Variants in TMC5 observed in about 807,000 individuals in gnomAD.
TMC5 encodes the protein transmembrane channel-like protein 5.
In TMC5, 86 loss-of-function variants were observed where a neutral mutation model predicts 110.5. The ratio of observed to expected loss-of-function variants is 0.78; its 90% confidence interval spans 0.65 to 0.93. The LOEUF (loss-of-function observed/expected upper bound fraction) is 0.93, where lower values mean the gene tolerates loss of function less well. TMC5 is among the 40% of genes least tolerant of loss of function. The pLI is 0.00. For missense variants in TMC5, 1,144 were observed against 1,222.8 expected (o/e 0.94, Z 0.96); for synonymous variants, 455 against 439.5 (o/e 1.04, Z -0.44).
chr16:19,464,119 C>G, intron 8 of TMC5, 95 bp downstream of exon 8: 1 of 1,407,200 alleles, frequency 7.1e-7, no homozygotes, highest in South Asian at 1.3e-5. Flanking sequence ...TCTCATTTTG[C>G]CTGGGGGTCA....
chr16:19,441,157 T>C (rs570910764), intron 3 of TMC5, among the ~76,000 whole-genome samples: 1 of 152,330 alleles, frequency 6.6e-6, no homozygotes, highest in African/African-American at 2.4e-5. Context: ...AGGTTAAGAC[T>C]TGACGCTCAT....
intron 2 of TMC5, among the ~76,000 whole-genome samples, chr16:19,434,589 G>C (rs1037970366): frequency 1.3e-5 from 2 of 151,204 alleles, no homozygotes; most frequent in African/African-American, 4.9e-5. Context: ...CTCCCAAAGT[G>C]CTGGAATTAC....
At chr16:19,496,046 A>G (rs979910571) in intron 20 of TMC5, among the ~76,000 whole-genome samples, 4 of 151,900 alleles carry the variant, frequency 2.6e-5, no homozygotes, top group African/African-American at 9.7e-5. Context: ...AATCCCAGCT[A>G]CTTGGGAGGC....
intron 13 of TMC5, 24 bp from the exon 14 acceptor site, chr16:19,479,407 T>A: frequency 6.4e-7 from 1 of 1,573,854 alleles, no homozygotes; most frequent in African/African-American, 1.3e-5. Flanking sequence ...CCTTCCCACA[T>A]CCTGACTCTT....
intron 15 of TMC5, among the ~76,000 whole-genome samples, chr16:19,483,202 G>A (rs1397471516): frequency 6.6e-6 from 1 of 152,150 alleles, no homozygotes; most frequent in African/African-American, 2.4e-5. Context: ...CTGTTGCTCA[G>A]GCTGGAGTGC....
At chr16:19,433,353 T>C (rs1297901698) in intron 2 of TMC5, among the ~76,000 whole-genome samples, 1 of 152,090 alleles carries the variant, frequency 6.6e-6, no homozygotes, top group Non-Finnish European at 1.5e-5. Flanking sequence ...TTTGAATGCT[T>C]TCTCTTGGAA....
upstream of TMC5, chr16:19,417,723 C>A (rs551900631): frequency 3.7e-4 from 56 of 152,264 alleles, no homozygotes; most frequent in African/African-American, 1.3e-3. Flanking sequence ...AGGCCTTCAT[C>A]GTCGCGGACT....
upstream of TMC5, among the ~76,000 whole-genome samples, chr16:19,416,842 C>T (rs1019553314): frequency 6.6e-6 from 1 of 151,966 alleles, no homozygotes; most frequent in African/African-American, 2.4e-5. Flanking sequence ...GCCTGTAATC[C>T]CAGCATTTTG....
chr16:19,477,568 C>G, intron 13 of TMC5, 50 bp downstream of exon 13: 1 of 1,294,060 alleles, frequency 7.7e-7, no homozygotes, highest in Non-Finnish European at 1.1e-6. Flanking sequence ...AGCATTTGAC[C>G]AACAGGGAGG....
At chr16:19,442,891 A>C (rs73538028) in intron 3 of TMC5, among the ~76,000 whole-genome samples, 1,535 of 152,258 alleles carry the variant, frequency 0.01, 24 homozygotes, top group African/African-American at 0.034. Flanking sequence ...CTTATCACCC[A>C]CTGCCTGATT....
rs562850817 is a variant in TMC5, at chr16:19,426,510, G to C, written c.-307-3903G>C. Among the ~76,000 whole-genome samples, 117 of 152,276 alleles carry C rather than the reference G, an allele frequency of 7.7e-4. 2 individuals are homozygous for C. Among genetic ancestry groups the C allele is most frequent in the African/African-American group, 2.0e-3 (85 of 41,564 alleles). On this transcript the variant is annotated intron_variant, in intron 1 of 21. Coordinates refer to ENST00000542583, the MANE Select transcript of TMC5 (RefSeq NM_001261841.2). ...TCTCCAGTAAGCAGCATCCTTTCTT[G>C]TTGGATAGCAGAGGAGCCCACTCCT...
intron 10 of TMC5, 73 bp downstream of exon 10, chr16:19,469,898 CTTT>C (rs10570246): frequency 4.6e-3 from 5,591 of 1,205,494 alleles, no homozygotes; most frequent in East Asian, 0.028. Flanking sequence ...TGTAACTTTT[CTTT>C]TTTTTTTTTT....
rs144274175 is a variant in TMC5 at position 19,420,277 on chromosome 16, A to T, written c.-308+2185A>T. Among the ~76,000 whole-genome samples, 232 of 152,144 alleles carry T rather than the reference A, an allele frequency of 1.5e-3. 1 individual carries two copies. In the Middle Eastern group the frequency reaches 0.034, roughly 22 times the overall value. ...CTGTCTCTACTAAAACACAAAAAAAAATTAGCCAGGCATGGTGGCACACAC... is the reference window on the plus strand; with the variant it reads ...CTGTCTCTACTAAAACACAAAAAAATATTAGCCAGGCATGGTGGCACACAC... On this transcript the variant is annotated intron_variant, in intron 1 of 21. Transcript: ENST00000542583.
chr16:19,432,971 A>G lies in TMC5; in HGVS notation c.-80+2331A>G, dbSNP rs76761141. On this transcript the variant is annotated intron_variant, in intron 2 of 21. Transcript: ENST00000542583. ...GTAGATATGAATAAATATATACATA[A>G]ATTGTATGGATATCTTTGTGTGTAT... 1.1e-3 allele frequency among the ~76,000 whole-genome samples: 166 copies of G among 152,224 alleles called. 2 individuals carry two copies. Among genetic ancestry groups the G allele is most frequent in the Middle Eastern group, 3.4e-3 (1 of 292 alleles).
At position 19,461,602 on chromosome 16, in the gene TMC5, G is replaced by GA. The variant is rs991186639; in HGVS notation, c.1148+1274dup. Among the ~76,000 whole-genome samples the GA allele has an allele frequency of 7.2e-5, 11 of 151,970 alleles. No individual in the cohort carries two copies. In the South Asian group the frequency reaches 8.3e-4, roughly 11 times the overall value. On this transcript the variant is annotated intron_variant, in intron 6 of 21. Transcript: ENST00000542583. The stretch of plus-strand genomic sequence containing the variant: ...AAAAAAAATAAACTAAAATAAAAAA[G>GA]AAAAAATACATAAAGACCTTAGGAG...
At chr16:19,495,008 A>T (rs1280403687) in intron 20 of TMC5, among the ~76,000 whole-genome samples, 22 of 37,110 alleles carry the variant, frequency 5.9e-4, no homozygotes, top group Non-Finnish European at 8.1e-4. Context: ...TTCAGTGTCT[A>T]TTCTTTTTTT....
chr16:19,496,887 C>CA lies in TMC5; in HGVS notation c.2932-208dup, dbSNP rs67040638. Among the ~76,000 whole-genome samples the CA allele has an allele frequency of 2.5e-3, 202 of 80,214 alleles. 4 individuals carry two copies. The highest frequency in any genetic ancestry group is 4.3e-3 in the East Asian group (12 of 2,792). The allele number at this position is 80,214 out of a possible 152,430, so 52.6% of individuals were successfully genotyped here. ...TCTAGGAGATAAAGCAAGACTCTGT[C>CA]AAAAAAAAAAAAAAAAAAAAAAAAA... On this transcript the variant is annotated intron_variant, in intron 20 of 21. Transcript: ENST00000542583.
chr16:19,480,519 G>A (rs1444109170), intron 14 of TMC5, among the ~76,000 whole-genome samples: 1 of 151,982 alleles, frequency 6.6e-6, no homozygotes, highest in Non-Finnish European at 1.5e-5. Context: ...AGGTGAAAAG[G>A]TTTGGCCGGG....
chr16:19,494,484 T>C (rs970214346), intron 20 of TMC5, 118 bp downstream of exon 20: 1 of 673,316 alleles, frequency 1.5e-6, no homozygotes. Flanking sequence ...TCACTCTCTG[T>C]CTTAAGTATT....
Sources: allele counts gnomAD v4.1 joint callset (sites outside exome capture counted in the v4.1 genomes callset), GRCh38; gene constraint gnomAD v4.1.1; transcripts MANE v1.5; gene names NCBI Gene and HGNC (gene_info 2026-07-23, HGNC 2026-07-21).